LUZP1: variants seen among roughly 807,000 people sequenced by gnomAD.
LUZP1 encodes the protein filamin mechanobinding actin cross-linking protein.
Under a neutral mutation model 71.3 loss-of-function variants are expected in LUZP1, and 25 were observed. The observed-to-expected ratio is 0.35, with a 90% CI of 0.26 to 0.49. LUZP1 has a LOEUF of 0.49. LUZP1 is among the 20% of genes least tolerant of loss of function. The pLI is 0.99. For synonymous variants in LUZP1, 481 were observed against 506.4 expected, an observed-to-expected ratio of 0.95 and a Z score of 0.67; for missense variants, 1,142 against 1,300.8, an observed-to-expected ratio of 0.88 and a Z score of 1.88.
At chr1:23,111,964 G>A (rs529650330) in intron 2 of LUZP1, among the ~76,000 whole-genome samples, 2 of 152,250 alleles carry the variant, frequency 1.3e-5, no homozygotes, top group Admixed American at 1.3e-4. Flanking sequence ...AAAATCTACT[G>A]TCCCAGCACC....
At chr1:23,091,027 A>G in intron 4 of LUZP1, 163 bp downstream of exon 3, 1 of 792,224 alleles carries the variant, frequency 1.3e-6, no homozygotes, top group South Asian at 1.5e-5. Flanking sequence ...TCTTTAGGAG[A>G]AAGGTCAAAC....
chr1:23,133,847 A>C (rs927366852), intron 2 of LUZP1, among the ~76,000 whole-genome samples: 1 of 152,206 alleles, frequency 6.6e-6, no homozygotes, highest in Non-Finnish European at 1.5e-5. Flanking sequence ...ACACAAGGGG[A>C]AGTACACAGC....
In LUZP1 at chr1:23,121,678, T is replaced by C. The variant is rs536556537; in HGVS notation, c.-225-12551A>G. On this transcript the variant is annotated intron_variant, in intron 2 of 4. Coordinates refer to ENST00000302291, the Ensembl canonical transcript of LUZP1. Reference sequence around the variant, plus strand: ...AAGGCTGCAGTGAGCCGAGATCAAGTCACTGCACTCCAGATGACAGAGCAA... The same window carrying C: ...AAGGCTGCAGTGAGCCGAGATCAAGCCACTGCACTCCAGATGACAGAGCAA... 2.6e-5 allele frequency among the ~76,000 whole-genome samples: 4 copies of C among 152,230 alleles called. 1 individual carries two copies. The highest frequency in any genetic ancestry group is 6.5e-5 in the Admixed American group (1 of 15,296).
chr1:23,159,732 C>A (rs995348936), intron 2 of LUZP1, among the ~76,000 whole-genome samples: 18 of 152,342 alleles, frequency 1.2e-4, no homozygotes, highest in Admixed American at 7.8e-4. Context: ...TGCCTGTAAT[C>A]CCAACACTTT....
At chr1:23,117,085 C>T (rs1644085210) in intron 2 of LUZP1, among the ~76,000 whole-genome samples, 1 of 152,056 alleles carries the variant, frequency 6.6e-6, no homozygotes, top group South Asian at 2.1e-4. Context: ...TTATTTCTAC[C>T]CCCTGTAACA....
At position 23,173,034 on chromosome 1, in the gene LUZP1, G is replaced by T. The variant is rs536794786; in HGVS notation, c.-484-4010C>A. On this transcript the variant is annotated intron_variant, in intron 1 of 4. Transcript: ENST00000302291. Reference sequence around the variant, plus strand: ...GACGGGGTTTCACCATGTTGGTCAGGCTGGTCTCGAACTCCTGACCTCATG... The same window carrying T: ...GACGGGGTTTCACCATGTTGGTCAGTCTGGTCTCGAACTCCTGACCTCATG... 3.8e-3 allele frequency among the ~76,000 whole-genome samples: 582 copies of T among 151,530 alleles called. 4 individuals carry two copies. Among genetic ancestry groups the T allele is most frequent in the Non-Finnish European group, 5.5e-3 (376 of 67,856 alleles).
At chr1:23,160,986 G>A (rs527347882) in intron 2 of LUZP1, among the ~76,000 whole-genome samples, 1 of 152,196 alleles carries the variant, frequency 6.6e-6, no homozygotes, top group Non-Finnish European at 1.5e-5. Context: ...AACCATGATA[G>A]ACTTCAAAGA....
chr1:23,130,456 T>C (rs1262750261), intron 2 of LUZP1, among the ~76,000 whole-genome samples: 2 of 151,958 alleles, frequency 1.3e-5, no homozygotes, highest in Non-Finnish European at 2.9e-5. Context: ...TAGAGATCTG[T>C]TTAAGAAAAA....
intron 3 of LUZP1, among the ~76,000 whole-genome samples, chr1:23,099,897 C>T (rs568079677): frequency 2.0e-5 from 3 of 152,312 alleles, no homozygotes; most frequent in East Asian, 3.9e-4. Flanking sequence ...GATGTGGCCC[C>T]GCCAGCCTCT....
intron 2 of LUZP1, among the ~76,000 whole-genome samples, chr1:23,124,805 A>C (rs1644158491): frequency 6.6e-6 from 1 of 152,222 alleles, no homozygotes; most frequent in Non-Finnish European, 1.5e-5. Flanking sequence ...TCTAGTATCT[A>C]GACTTCAAGG....
intron 3 of LUZP1, among the ~76,000 whole-genome samples, chr1:23,103,923 G>GA (rs1643957874): frequency 3.1e-5 from 3 of 97,104 alleles, no homozygotes; most frequent in Non-Finnish European, 6.2e-5. Flanking sequence ...GGGAGGGAGG[G>GA]GGGGAAGGAG....
intron 3 of LUZP1, among the ~76,000 whole-genome samples, chr1:23,105,004 G>T (rs753937692): frequency 3.4e-4 from 51 of 152,234 alleles, no homozygotes; most frequent in African/African-American, 1.2e-3. Flanking sequence ...GAATACCACT[G>T]TATAGTCCCT....
chr1:23,145,301 C>T (rs1450283254), intron 2 of LUZP1, among the ~76,000 whole-genome samples: 5 of 152,142 alleles, frequency 3.3e-5, no homozygotes. Context: ...CTACCTCTCT[C>T]ATAGGAACGC....
chr1:23,094,181 A>G lies in LUZP1; in HGVS notation c.81T>C (p.Leu27=). The G allele has an allele frequency of 6.2e-7, 1 of 1,614,074 alleles. No individual in the cohort carries two copies. The change falls in exon 4 of 5, where the codon CTT becomes CTC. Residue 27 remains leucine, a synonymous_variant. Coordinates refer to ENST00000302291, the Ensembl canonical transcript of LUZP1. The surrounding 1 kb of genome is among the most constrained non-coding windows in gnomAD (Gnocchi z 4.7). ...TTTTTGTGGCTTCCTCCAACTCATC[A>G]AGGCGGCGGCTTAGACTCTGTAGCT...
At chr1:23,173,350 C>CTTTTTTTTTTTTTTTTTTTT (rs869169060) in intron 1 of LUZP1, among the ~76,000 whole-genome samples, 36 of 80,356 alleles carry the variant, frequency 4.5e-4, no homozygotes, top group African/African-American at 5.3e-4. Flanking sequence ...TTTGTTTTTT[C>CTTTTTTTTTTTTTTTTTTTT]TTTTTTTTTT....
intron 2 of LUZP1, among the ~76,000 whole-genome samples, chr1:23,164,885 A>G (rs1325901577): frequency 6.6e-6 from 1 of 152,226 alleles, no homozygotes; most frequent in Admixed American, 6.5e-5. Context: ...AAGCACAGCC[A>G]AAGATGTTAA....
At chr1:23,103,361 C>T (rs981006242) in intron 3 of LUZP1, among the ~76,000 whole-genome samples, 5 of 152,160 alleles carry the variant, frequency 3.3e-5, no homozygotes, top group East Asian at 1.9e-4. Flanking sequence ...ACAGGGCTTA[C>T]ATTATTTTTC....
intron 2 of LUZP1, among the ~76,000 whole-genome samples, chr1:23,139,196 T>G (rs1479759910): frequency 1.3e-5 from 2 of 150,560 alleles, no homozygotes; most frequent in Non-Finnish European, 2.9e-5. Context: ...TTGGAAAAAG[T>G]AAAATGCCAA....
At chr1:23,175,738 T>A (rs759571819) in intron 1 of LUZP1, among the ~76,000 whole-genome samples, 13 of 152,200 alleles carry the variant, frequency 8.5e-5, no homozygotes, top group African/African-American at 1.4e-4. Flanking sequence ...TTTCCTGGAC[T>A]GGAGGAGTGG....
Sources: gnomAD v4.1 joint callset for allele counts (sites outside exome capture counted in the v4.1 genomes callset) on GRCh38, gnomAD v4.1.1 for gene constraint, Gnocchi (gnomAD v3.1) non-coding constraint, MANE v1.5 for transcripts, NCBI Gene and HGNC (gene_info 2026-07-23, HGNC 2026-07-21) for gene names.